The following ARID4B variants were observed in gnomAD, a reference collection of about 807,000 sequenced individuals.
ARID4B encodes the protein AT-rich interaction domain 4B.
ARID4B carries 26 observed loss-of-function variants against 147.5 expected under a neutral mutation model. The observed-to-expected ratio is 0.18, with a 90% CI of 0.13 to 0.24. The LOEUF (loss-of-function observed/expected upper bound fraction) is 0.24, where lower values mean the gene tolerates loss of function less well. Among genes scored for constraint, ARID4B ranks in the 10% least tolerant of loss-of-function variants. The pLI, the probability that ARID4B is intolerant of heterozygous loss-of-function variation, is 1.00. For missense variants in ARID4B, 1,179 were observed against 1,511.5 expected, an observed-to-expected ratio of 0.78 and a Z score of 3.65; for synonymous variants, 512 against 507.9, an observed-to-expected ratio of 1.01 and a Z score of -0.11.
At chr1:235,326,214 A>C (rs1218152605) in intron 2 of ARID4B, among the ~76,000 whole-genome samples, 1 of 152,120 alleles carries the variant, frequency 6.6e-6, no homozygotes, top group Non-Finnish European at 1.5e-5. Context: ...CTGTATTTTT[A>C]TCGTTATCAT....
chr1:235,277,549 A>AT (rs542084094), intron 2 of ARID4B, among the ~76,000 whole-genome samples: 2,681 of 144,102 alleles, frequency 0.019, 65 homozygotes, highest in African/African-American at 0.031. Flanking sequence ...AAAAAAAAAA[A>AT]AATAATAATA....
In ARID4B at chr1:235,183,804, C is replaced by A. The variant is rs933306526; in HGVS notation, c.2126-1011G>T. 6.6e-5 allele frequency among the ~76,000 whole-genome samples: 10 copies of A among 151,788 alleles called. No individual in the cohort carries two copies. In the South Asian group the frequency reaches 8.3e-4, roughly 13 times the overall value. On this transcript the variant is annotated intron_variant, in intron 19 of 23. Coordinates refer to ENST00000264183, the MANE Select transcript of ARID4B (RefSeq NM_016374.6). ...TCTTTCTTTATTTCTCTCTCTCTCT[C>A]TATTTTTTTCTGAGACAGGGTCTTA...
At chr1:235,182,910 T>C in intron 19 of ARID4B, 117 bp from the exon 20 acceptor site, 1 of 938,122 alleles carries the variant, frequency 1.1e-6, no homozygotes, top group Non-Finnish European at 1.5e-6. Context: ...GGTTGCTGGC[T>C]TTTATCTCTA....
At chr1:235,217,200 T>C (rs1442521767) in intron 16 of ARID4B, among the ~76,000 whole-genome samples, 1 of 152,100 alleles carries the variant, frequency 6.6e-6, no homozygotes, top group Non-Finnish European at 1.5e-5. Context: ...ACTTTAATAA[T>C]ACACTGAAGT....
intron 19 of ARID4B, among the ~76,000 whole-genome samples, chr1:235,186,135 A>G (rs1664663036): frequency 6.6e-6 from 1 of 151,804 alleles, no homozygotes; most frequent in Admixed American, 6.6e-5. Flanking sequence ...ACACCCAGCT[A>G]ATTTTTGTAC....
intron 16 of ARID4B, 125 bp from the exon 17 acceptor site, chr1:235,214,151 T>C (rs771714704): frequency 2.0e-5 from 24 of 1,190,636 alleles, no homozygotes; most frequent in African/African-American, 3.0e-5. Context: ...TCCACGTGTA[T>C]GAAATTCTCA....
intron 2 of ARID4B, among the ~76,000 whole-genome samples, chr1:235,309,379 T>C (rs1228164284): frequency 6.7e-6 from 1 of 149,674 alleles, no homozygotes; most frequent in Non-Finnish European, 1.5e-5. Flanking sequence ...GTCTGGGAAG[T>C]GAGGAGCGTC....
chr1:235,181,468 G>A, intron 20 of ARID4B, 117 bp downstream of exon 20: 1 of 1,335,266 alleles, frequency 7.5e-7, no homozygotes, highest in Non-Finnish European at 1.0e-6. Context: ...TTTTTACCAT[G>A]TTCACACAAA....
Position 235,294,064 on chromosome 1 carries a change from T to C in ARID4B, c.6+32850A>G, listed in dbSNP as rs192356279. Among the ~76,000 whole-genome samples, 880 of 152,224 alleles carry C rather than the reference T, an allele frequency of 5.8e-3. 6 individuals are homozygous for C. The highest frequency in any genetic ancestry group is 0.024 in the Middle Eastern group (7 of 294). On this transcript the variant is annotated intron_variant, in intron 2 of 23. Coordinates refer to ENST00000264183, the MANE Select transcript of ARID4B (RefSeq NM_016374.6). Reference sequence around the variant, plus strand: ...AATTAGAGTTCCAGTTGCCTTCTATTGACATACAATATGTCCAAAACCCAG... The same window carrying C: ...AATTAGAGTTCCAGTTGCCTTCTATCGACATACAATATGTCCAAAACCCAG...
At chr1:235,256,090 C>T (rs567673358) in intron 4 of ARID4B, among the ~76,000 whole-genome samples, 24 of 150,526 alleles carry the variant, frequency 1.6e-4, no homozygotes, top group Non-Finnish European at 3.2e-4. Context: ...AGGAGAATTG[C>T]TTGAGCCTGG....
At position 235,200,910 on chromosome 1, in the gene ARID4B, G is replaced by A. The variant is rs148385905; in HGVS notation, c.1842-4795C>T. On this transcript the variant is annotated intron_variant, in intron 17 of 23. Coordinates refer to ENST00000264183, the MANE Select transcript of ARID4B (RefSeq NM_016374.6). Reference sequence around the variant, plus strand: ...TGTAATCCTAGCACTTTGGGAGGCCGAGGAGGGCGGATCACAAGATCAGGT... The same window carrying A: ...TGTAATCCTAGCACTTTGGGAGGCCAAGGAGGGCGGATCACAAGATCAGGT... Among the ~76,000 whole-genome samples, 46 of 152,228 alleles carry A rather than the reference G, an allele frequency of 3.0e-4. 1 individual carries two copies. The East Asian group carries it at 8.7e-3, about 29-fold the overall frequency.
chr1:235,187,607 T>A (rs147861319), intron 19 of ARID4B, among the ~76,000 whole-genome samples: 10 of 152,312 alleles, frequency 6.6e-5, no homozygotes, highest in Admixed American at 6.5e-5. Flanking sequence ...CAACTACCAC[T>A]GTACCTCTAG....
chr1:235,205,474 A>C (rs1666245003), intron 17 of ARID4B, among the ~76,000 whole-genome samples: 2 of 152,244 alleles, frequency 1.3e-5, no homozygotes, highest in South Asian at 4.1e-4. Flanking sequence ...ATATGAACTC[A>C]GATTAGAACA....
In ARID4B at chr1:235,196,976, A is replaced by G. The variant is rs77216253; in HGVS notation, c.1842-861T>C. Among the ~76,000 whole-genome samples, 1,284 of 152,134 alleles carry G rather than the reference A, an allele frequency of 8.4e-3. 11 individuals carry two copies. The highest frequency in any genetic ancestry group is 0.031 in the Middle Eastern group (9 of 290). ...AAATACCAGAAAAACATTACTCTGCAAAGTTTTTCAGTATTCTGAAATGCT... is the reference window on the plus strand; with the variant it reads ...AAATACCAGAAAAACATTACTCTGCGAAGTTTTTCAGTATTCTGAAATGCT... On this transcript the variant is annotated intron_variant, in intron 17 of 23. Coordinates refer to ENST00000264183, the MANE Select transcript of ARID4B (RefSeq NM_016374.6).
rs756128589 is a variant in ARID4B at position 235,215,577 on chromosome 1, GTGTA to G, written c.1584-1555_1584-1552del. On this transcript the variant is annotated intron_variant, in intron 16 of 23. Coordinates refer to ENST00000264183, the MANE Select transcript of ARID4B (RefSeq NM_016374.6). Reference sequence around the variant, plus strand: ...TGTGTGTGTGTGTGTGTGTGTGTGTGTGTATATATTTTTCCCCCCCTTGGAGACA... The same window carrying G: ...TGTGTGTGTGTGTGTGTGTGTGTGTGTATATTTTTCCCCCCCTTGGAGACA... 4.0e-3 allele frequency among the ~76,000 whole-genome samples: 584 copies of G among 145,686 alleles called. 3 individuals are homozygous for G. Among genetic ancestry groups the G allele is most frequent in the East Asian group, 9.1e-3 (45 of 4,966 alleles).
At chr1:235,292,804 T>G (rs182915990) in intron 2 of ARID4B, among the ~76,000 whole-genome samples, 2 of 152,202 alleles carry the variant, frequency 1.3e-5, no homozygotes, top group African/African-American at 4.8e-5. Context: ...TCTACTTTTA[T>G]GTAACAGTAA....
chr1:235,234,631 CA>C, intron 8 of ARID4B, 139 bp from the exon 9 acceptor site: 1 of 582,886 alleles, frequency 1.7e-6, no homozygotes, highest in Non-Finnish European at 3.1e-6. Flanking sequence ...GGCACACACA[CA>C]CACGTGGGAG....
intron 2 of ARID4B, among the ~76,000 whole-genome samples, chr1:235,306,179 TAC>T (rs1673543648): frequency 4.6e-5 from 7 of 152,174 alleles, no homozygotes; most frequent in Admixed American, 2.6e-4. Context: ...AATGGGATGT[TAC>T]TTTAGCAATA....
At chr1:235,175,501 A>G in intron 21 of ARID4B, 102 bp from the exon 22 acceptor site, 1 of 927,088 alleles carries the variant, frequency 1.1e-6, no homozygotes, top group Non-Finnish European at 1.6e-6. Flanking sequence ...TTAGTCCTAC[A>G]GAAAACAACC....
Sources: allele counts gnomAD v4.1 joint callset (sites outside exome capture counted in the v4.1 genomes callset), GRCh38; gene constraint gnomAD v4.1.1; transcripts MANE v1.5; gene names NCBI Gene and HGNC (gene_info 2026-07-23, HGNC 2026-07-21).